The following PPP1R14C variants were observed in gnomAD, a reference collection of about 807,000 sequenced individuals.
PPP1R14C encodes protein phosphatase 1 regulatory subunit 14C.
In PPP1R14C, 16 loss-of-function variants were observed where a neutral mutation model predicts 20.4. That is an observed-to-expected ratio of 0.78 (90% CI 0.53 to 1.19). PPP1R14C has a LOEUF of 1.19. Ranked by LOEUF, PPP1R14C falls within the 50% of genes most tolerant of loss-of-function variation. The pLI is 0.00. For missense variants in PPP1R14C, 211 were observed against 220.1 expected (o/e 0.96, Z 0.26); for synonymous variants, 91 against 91.0 (o/e 1.00, Z 0.00).
intron 1 of PPP1R14C, among the ~76,000 whole-genome samples, chr6:150,214,500 T>C (rs1318836170): frequency 1.3e-5 from 2 of 151,780 alleles, no homozygotes; most frequent in African/African-American, 4.8e-5. Flanking sequence ...CCCTTCTTCA[T>C]CTGTCCCCAT....
chr6:150,216,876 T>A lies in PPP1R14C; in HGVS notation c.423+20T>A, dbSNP rs1329751425. The A allele has an allele frequency of 1.9e-6, 3 of 1,593,330 alleles. No individual in the cohort carries two copies. Among genetic ancestry groups the A allele is most frequent in the South Asian group, 1.1e-5 (1 of 88,038 alleles). On this transcript the variant is annotated intron_variant, in intron 3 of 3. Coordinates refer to ENST00000361131, the MANE Select transcript of PPP1R14C (RefSeq NM_030949.3). ...ACAGAGGTAAGCAAATCACTTTTCCTAAATGCCATGTTTGAACTGGTTTTT... is the reference window on the plus strand; with the variant it reads ...ACAGAGGTAAGCAAATCACTTTTCCAAAATGCCATGTTTGAACTGGTTTTT...
chr6:150,211,064 T>A (rs1232393475), intron 1 of PPP1R14C, among the ~76,000 whole-genome samples: 3 of 152,190 alleles, frequency 2.0e-5, no homozygotes, highest in Admixed American at 6.5e-5. Flanking sequence ...TTCCGCAAGG[T>A]CAGTTCACCT....
chr6:150,180,445 C>T (rs1172643910), intron 1 of PPP1R14C, among the ~76,000 whole-genome samples: 1 of 152,152 alleles, frequency 6.6e-6, no homozygotes, highest in East Asian at 1.9e-4. Flanking sequence ...GAAAGAGTGG[C>T]TGTGAGAGCT....
chr6:150,233,456 T>C (rs1778316812), intron 3 of PPP1R14C, among the ~76,000 whole-genome samples: 1 of 152,202 alleles, frequency 6.6e-6, no homozygotes, highest in African/African-American at 2.4e-5. Flanking sequence ...CCCCAAACAC[T>C]TCTAATATTA....
At chr6:150,242,819 C>A (rs1778448170) in intron 3 of PPP1R14C, among the ~76,000 whole-genome samples, 2 of 152,028 alleles carry the variant, frequency 1.3e-5, no homozygotes, top group South Asian at 2.1e-4. Context: ...ACAAAAAAAT[C>A]TCCTAGAACT....
chr6:150,169,504 A>G (rs1289866586), intron 1 of PPP1R14C, among the ~76,000 whole-genome samples: 2 of 152,208 alleles, frequency 1.3e-5, no homozygotes, highest in African/African-American at 4.8e-5. Context: ...AAAAAATCAT[A>G]TTTAGTCTCC....
At chr6:150,205,940 A>G (rs1188810054) in intron 1 of PPP1R14C, among the ~76,000 whole-genome samples, 1 of 152,108 alleles carries the variant, frequency 6.6e-6, no homozygotes, top group Non-Finnish European at 1.5e-5. Flanking sequence ...TCTAACAGGT[A>G]AACCATAACC....
At chr6:150,248,069 G>A (rs900249260) in intron 3 of PPP1R14C, among the ~76,000 whole-genome samples, 2 of 152,166 alleles carry the variant, frequency 1.3e-5, no homozygotes, top group African/African-American at 2.4e-5. Flanking sequence ...GAGAGGACAA[G>A]TGTGTGCCAG....
At chr6:150,220,839 C>T (rs1778158484) in intron 3 of PPP1R14C, among the ~76,000 whole-genome samples, 1 of 152,160 alleles carries the variant, frequency 6.6e-6, no homozygotes, top group African/African-American at 2.4e-5. Flanking sequence ...CCATGCTGTT[C>T]AATGAAAATG....
chr6:150,235,813 G>T (rs1778352889), intron 3 of PPP1R14C, among the ~76,000 whole-genome samples: 1 of 152,142 alleles, frequency 6.6e-6, no homozygotes, highest in Non-Finnish European at 1.5e-5. Flanking sequence ...TTGTCCCCTT[G>T]GGAAGAGGCT....
chr6:150,159,822 T>A (rs1777345241), intron 1 of PPP1R14C, among the ~76,000 whole-genome samples: 1 of 152,198 alleles, frequency 6.6e-6, no homozygotes, highest in African/African-American at 2.4e-5. Context: ...TTGTTCGGAT[T>A]CTTTAGTTTT....
chr6:150,146,925 G>A (rs922516446), intron 1 of PPP1R14C, among the ~76,000 whole-genome samples: 7 of 152,210 alleles, frequency 4.6e-5, no homozygotes, highest in South Asian at 4.2e-4. Context: ...AAAATACCAC[G>A]TCAAATAGCC....
At chr6:150,183,513 C>A (rs374246882) in intron 1 of PPP1R14C, among the ~76,000 whole-genome samples, 1 of 151,960 alleles carries the variant, frequency 6.6e-6, no homozygotes, top group African/African-American at 2.4e-5. Context: ...CAAACTGGGA[C>A]ATTTCTTTTT....
intron 1 of PPP1R14C, among the ~76,000 whole-genome samples, chr6:150,163,083 G>C (rs1777387834): frequency 6.6e-6 from 1 of 152,270 alleles, no homozygotes; most frequent in Middle Eastern, 3.4e-3. Flanking sequence ...ATGAATGAGA[G>C]TATTTTCTTA....
intron 3 of PPP1R14C, among the ~76,000 whole-genome samples, chr6:150,237,477 A>G (rs943131011): frequency 6.6e-6 from 1 of 152,170 alleles, no homozygotes; most frequent in African/African-American, 2.4e-5. Context: ...TGCTGGGATT[A>G]CAGGCGTGAG....
At position 150,204,272 on chromosome 6, in the gene PPP1R14C, G is replaced by A. The variant is rs150894830; in HGVS notation, c.307-10472G>A. Among the ~76,000 whole-genome samples the A allele has an allele frequency of 4.6e-5, 7 of 152,320 alleles. No individual in the cohort carries two copies. The East Asian group carries it at 1.2e-3, about 25-fold the overall frequency. On this transcript the variant is annotated intron_variant, in intron 1 of 3. Transcript: ENST00000361131. ...CGAGGACCAACCTGCCGACTTTCTC[G>A]TCACGGGGGCATTGTTAACAACCAG...
At chr6:150,216,893 C>A in intron 3 of PPP1R14C, 37 bp downstream of exon 3, 1 of 1,562,104 alleles carries the variant, frequency 6.4e-7, no homozygotes, top group East Asian at 2.3e-5. Flanking sequence ...CATGTTTGAA[C>A]TGGTTTTTAT....
At chr6:150,188,733 G>A (rs1040083279) in intron 1 of PPP1R14C, among the ~76,000 whole-genome samples, 3 of 151,656 alleles carry the variant, frequency 2.0e-5, no homozygotes, top group Non-Finnish European at 2.9e-5. Context: ...TGATCCACCC[G>A]CCTAGGCCTC....
intron 1 of PPP1R14C, among the ~76,000 whole-genome samples, chr6:150,174,959 C>A (rs1389520357): frequency 3.0e-5 from 4 of 131,898 alleles, no homozygotes; most frequent in Non-Finnish European, 6.2e-5. Context: ...GAGGGAGATT[C>A]TGTCTCAAAA....
Sources: allele counts gnomAD v4.1 joint callset (sites outside exome capture counted in the v4.1 genomes callset), GRCh38; gene constraint gnomAD v4.1.1; transcripts MANE v1.5; gene names NCBI Gene and HGNC (gene_info 2026-07-23, HGNC 2026-07-21).